The following DOK6 variants were observed in gnomAD, a reference collection of about 807,000 sequenced individuals.
The protein encoded by DOK6 is docking protein 6.
In DOK6, 22 loss-of-function variants were observed where a neutral mutation model predicts 44.0. That is an observed-to-expected ratio of 0.50 (90% CI 0.36 to 0.71). The LOEUF is 0.71. DOK6 is among the 30% of genes least tolerant of loss of function. The pLI is 0.00. For missense variants in DOK6, 340 were observed against 416.4 expected (o/e 0.82, Z 1.60); for synonymous variants, 166 against 145.5 (o/e 1.14, Z -1.01).
chr18:69,801,353 G>A (rs1980901254), intron 7 of DOK6, among the ~76,000 whole-genome samples: 1 of 152,092 alleles, frequency 6.6e-6, no homozygotes, highest in Non-Finnish European at 1.5e-5. Context: ...GCTTGCTTCT[G>A]CTATTAAGTG....
chr18:69,660,416 A>G (rs1985492261), intron 3 of DOK6: 1 of 152,128 alleles, frequency 6.6e-6, no homozygotes, highest in Non-Finnish European at 1.5e-5. Context: ...GAGGCTAACC[A>G]CTTTCTCTCA....
In DOK6 at chr18:69,698,518, A is replaced by G; in HGVS notation, c.524A>G (p.Lys175Arg). ...YLWDIHNAKV[K>R]LVMWPLSSLR... ...TGGGATATCCACAATGCCAAGGTCA[A>G]ACTGGTGATGTGGCCTCTCAGCTCA... Residue 175 changes from lysine to arginine, a missense_variant, in exon 5 of 8, where the codon AAA becomes AGA. Transcript: ENST00000382713. The G allele has an allele frequency of 1.2e-6, 2 of 1,614,114 alleles. No homozygotes were observed. The highest frequency in any genetic ancestry group is 1.7e-6 in the Non-Finnish European group (2 of 1,179,970).
intron 1 of DOK6, among the ~76,000 whole-genome samples, chr18:69,509,403 C>T (rs190751865): frequency 1.3e-5 from 2 of 152,116 alleles, no homozygotes; most frequent in African/African-American, 4.8e-5. Context: ...TTTGGGAGGC[C>T]AAGGCGGGCG....
intron 7 of DOK6, among the ~76,000 whole-genome samples, chr18:69,771,671 TA>T (rs1979890854): frequency 6.6e-6 from 1 of 152,006 alleles, no homozygotes; most frequent in Non-Finnish European, 1.5e-5. Context: ...TCTTATTTTT[TA>T]AAAAGGCACA....
intron 7 of DOK6, among the ~76,000 whole-genome samples, chr18:69,800,106 C>T (rs1261343718): frequency 1.3e-5 from 2 of 151,336 alleles, no homozygotes; most frequent in African/African-American, 4.9e-5. Flanking sequence ...AAAAAACACA[C>T]AAAAATGGAG....
At chr18:69,603,227 T>C (rs1166252354) in intron 3 of DOK6, among the ~76,000 whole-genome samples, 1 of 152,212 alleles carries the variant, frequency 6.6e-6, no homozygotes, top group Non-Finnish European at 1.5e-5. Flanking sequence ...GAAATGCTGC[T>C]GTGTGAGCTT....
chr18:69,621,789 G>T (rs1045861014), intron 3 of DOK6, among the ~76,000 whole-genome samples: 1 of 152,114 alleles, frequency 6.6e-6, no homozygotes, highest in Non-Finnish European at 1.5e-5. Context: ...CTTTCTTTTG[G>T]AACATAGTTA....
intron 1 of DOK6, among the ~76,000 whole-genome samples, chr18:69,406,922 A>G (rs993196659): frequency 6.6e-6 from 1 of 152,162 alleles, no homozygotes; most frequent in African/African-American, 2.4e-5. Context: ...CTCTACTAAA[A>G]ATACAAAAAT....
intron 2 of DOK6, among the ~76,000 whole-genome samples, chr18:69,583,623 G>T (rs1983418410): frequency 6.6e-6 from 1 of 151,966 alleles, no homozygotes; most frequent in Non-Finnish European, 1.5e-5. Flanking sequence ...ACACGGCAAA[G>T]ATTTCATCAT....
chr18:69,704,475 C>CTTTTTTT lies in DOK6; in HGVS notation c.599+5896_599+5902dup, dbSNP rs10685670. On this transcript the variant is annotated intron_variant, in intron 5 of 7. Coordinates refer to ENST00000382713, the MANE Select transcript of DOK6 (RefSeq NM_152721.6). ...GTGTGTACATCAGGTCCAGATATGA[C>CTTTTTTT]TTTTTTTTTTTTTTTTTTTTGGAGA... 2.8e-5 allele frequency among the ~76,000 whole-genome samples: 3 copies of CTTTTTTT among 107,182 alleles called. 1 individual carries two copies. Among genetic ancestry groups the CTTTTTTT allele is most frequent in the Non-Finnish European group, 5.3e-5 (3 of 56,446 alleles). 70.3% of individuals were successfully genotyped at this position (107,182 alleles called of 152,430 possible). A position where few individuals can be genotyped will look rare whatever the true frequency, so the allele number is the denominator to read the frequency against.
chr18:69,841,591 T>G lies in DOK6; in HGVS notation c.*208T>G. On this transcript the variant is annotated 3_prime_UTR_variant, in exon 8 of 8. Transcript: ENST00000382713. ...TATTTATTGAATTTCTTTGGGGGAA[T>G]CTATGTTTTACATAAATAGAATCCA... 1 of 594,304 alleles carries G rather than the reference T, an allele frequency of 1.7e-6. No individual in the cohort carries two copies. The highest frequency in any genetic ancestry group is 2.7e-6 in the Non-Finnish European group (1 of 367,408). 36.8% of individuals were successfully genotyped at this position (594,304 alleles called of 1,614,324 possible). A position where few individuals can be genotyped will look rare whatever the true frequency, so the allele number is the denominator to read the frequency against.
chr18:69,762,500 T>C (rs1979592653), intron 7 of DOK6, among the ~76,000 whole-genome samples: 1 of 152,220 alleles, frequency 6.6e-6, no homozygotes, highest in Admixed American at 6.5e-5. Context: ...AATGTGGGAA[T>C]ATATCATTGT....
intron 1 of DOK6, among the ~76,000 whole-genome samples, chr18:69,467,885 T>C (rs774266519): frequency 6.6e-6 from 1 of 152,142 alleles, no homozygotes; most frequent in South Asian, 2.1e-4. Context: ...GACAACACAG[T>C]TTCCAAAGGG....
chr18:69,765,520 G>C (rs1376012467), intron 7 of DOK6, among the ~76,000 whole-genome samples: 1 of 152,114 alleles, frequency 6.6e-6, no homozygotes, highest in Non-Finnish European at 1.5e-5. Flanking sequence ...CTCACATCCT[G>C]CAGTCTTAAT....
At chr18:69,795,428 A>G (rs1980716318) in intron 7 of DOK6, among the ~76,000 whole-genome samples, 2 of 152,198 alleles carry the variant, frequency 1.3e-5, no homozygotes, top group Non-Finnish European at 1.5e-5. Flanking sequence ...ATTTCTATAG[A>G]GCTAAAAATA....
chr18:69,471,649 A>G (rs1402096005), intron 1 of DOK6: 1 of 149,634 alleles, frequency 6.7e-6, no homozygotes, highest in Non-Finnish European at 1.5e-5. Flanking sequence ...TTGCACGGAG[A>G]AGAGAGAAAA....
chr18:69,527,480 T>G (rs2144569848), intron 1 of DOK6, among the ~76,000 whole-genome samples: 1 of 152,300 alleles, frequency 6.6e-6, no homozygotes, highest in African/African-American at 2.4e-5. Context: ...ACTTACTCAC[T>G]TTCATCAGAA....
At chr18:69,680,405 C>A in intron 4 of DOK6, among the ~76,000 whole-genome samples, 1 of 152,208 alleles carries the variant, frequency 6.6e-6, no homozygotes, top group Non-Finnish European at 1.5e-5. Flanking sequence ...GTCAAGTCTG[C>A]ACCCCCCTCT....
At chr18:69,744,021 A>G (rs7243421) in intron 6 of DOK6, among the ~76,000 whole-genome samples, 86,259 of 152,034 alleles carry the variant, frequency 0.57, 26,235 homozygotes, top group East Asian at 0.69. Context: ...AGAGCTGTCA[A>G]TCCTGTGATT....
Sources: allele counts gnomAD v4.1 joint callset (sites outside exome capture counted in the v4.1 genomes callset), GRCh38; gene constraint gnomAD v4.1.1; transcripts MANE v1.5; gene names NCBI Gene and HGNC (gene_info 2026-07-23, HGNC 2026-07-21).